Variants in CRACD observed in about 807,000 individuals in gnomAD.
CRACD encodes capping protein-inhibiting regulator of actin dynamics.
Under a neutral mutation model 106.8 loss-of-function variants are expected in CRACD, and 56 were observed. The ratio of observed to expected loss-of-function variants is 0.52; its 90% CI spans 0.42 to 0.66. The LOEUF is 0.66. CRACD is among the 30% of genes least tolerant of loss of function. CRACD has a pLI of 0.00. For missense variants in CRACD, 1,730 were observed against 1,623.2 expected (o/e 1.07, Z -1.13); for synonymous variants, 754 against 670.8 (o/e 1.12, Z -1.92).
intron 3 of CRACD, among the ~76,000 whole-genome samples, chr4:56,284,703 C>T (rs186409958): frequency 6.6e-6 from 1 of 151,724 alleles, no homozygotes; most frequent in Non-Finnish European, 1.5e-5. Flanking sequence ...CCAGCCTGGG[C>T]TACAGAGTGA....
intron 3 of CRACD, among the ~76,000 whole-genome samples, chr4:56,295,955 T>C (rs1743999530): frequency 6.6e-6 from 1 of 152,110 alleles, no homozygotes; most frequent in Admixed American, 6.6e-5. Context: ...GCATGTTTCC[T>C]AAAAGAGTGC....
chr4:56,316,825 G>A, intron 8 of CRACD, 136 bp downstream of exon 8: 3 of 1,099,808 alleles, frequency 2.7e-6, no homozygotes, highest in Non-Finnish European at 3.8e-6. Flanking sequence ...TTATTAGAAC[G>A]CTGCAGAACA....
intron 2 of CRACD, among the ~76,000 whole-genome samples, chr4:56,258,638 T>A (rs1741512187): frequency 6.6e-6 from 1 of 152,156 alleles, no homozygotes; most frequent in Non-Finnish European, 1.5e-5. Context: ...TGTAGCCCCA[T>A]TCTGAGACAG....
chr4:56,093,542 G>A (rs1387625000), intron 1 of CRACD, among the ~76,000 whole-genome samples: 4 of 152,162 alleles, frequency 2.6e-5, no homozygotes, highest in African/African-American at 7.2e-5. Flanking sequence ...TGTGTTTCCT[G>A]CACCCAGCTA....
At chr4:56,295,361 T>C (rs1160477785) in intron 3 of CRACD, among the ~76,000 whole-genome samples, 1 of 152,106 alleles carries the variant, frequency 6.6e-6, no homozygotes, top group Non-Finnish European at 1.5e-5. Flanking sequence ...AGGATAAATG[T>C]TACCACTGTG....
At chr4:56,309,176 C>T in intron 5 of CRACD, 2 of 362,372 alleles carry the variant, frequency 5.5e-6, no homozygotes, top group Non-Finnish European at 1.1e-5. Context: ...CTAGTGGGAG[C>T]AAGGGGAGGG....
intron 1 of CRACD, among the ~76,000 whole-genome samples, chr4:56,165,394 C>T (rs555776156): frequency 6.6e-6 from 1 of 152,180 alleles, no homozygotes; most frequent in Non-Finnish European, 1.5e-5. Flanking sequence ...GCTATGTGTA[C>T]TGACTCATTC....
At chr4:56,191,650 C>A (rs1208789513) in intron 2 of CRACD, among the ~76,000 whole-genome samples, 3 of 152,194 alleles carry the variant, frequency 2.0e-5, no homozygotes, top group Non-Finnish European at 2.9e-5. Context: ...ATTCTACCTG[C>A]CCCAGGACAT....
intron 1 of CRACD, among the ~76,000 whole-genome samples, chr4:56,085,601 G>A (rs2412723): frequency 0.31 from 47,719 of 152,082 alleles, 9,669 homozygotes; most frequent in African/African-American, 0.58. Flanking sequence ...GGTTACATAC[G>A]GTCTCTGTTG....
At chr4:56,204,155 T>G (rs1259351207) in intron 2 of CRACD, among the ~76,000 whole-genome samples, 1 of 152,190 alleles carries the variant, frequency 6.6e-6, no homozygotes, top group African/African-American at 2.4e-5. Context: ...ACAGTCTACA[T>G]GATCCCACAC....
rs771311301 is a variant in CRACD, at chr4:56,314,925, G to A, written c.1423G>A (p.Asp475Asn). ...AAGGAGCGGGGATTTCCAGGGGGCC[G>A]ATCGTCCTGGGCCCGAGGAAAAGAG... Reference protein sequence around the residue: ...QGRSGDFQGADRPGPEEKREE... With the variant: ...QGRSGDFQGANRPGPEEKREE... Residue 475 changes from aspartate to asparagine, a missense_variant, in exon 8 of 11, where the codon GAT (aspartate) becomes AAT (asparagine). By Grantham distance (23) the Asp-to-Asn change is conservative. Transcript: ENST00000682029. This position sits in a 1 kb window ranked among gnomAD's most constrained non-coding sequence, Gnocchi z 4.4. 38 of 1,602,716 alleles carry A rather than the reference G, an allele frequency of 2.4e-5. No homozygotes were observed. In the African/African-American group the frequency reaches 4.7e-4, roughly 20 times the overall value.
chr4:56,136,039 G>A (rs1263515505), intron 1 of CRACD, among the ~76,000 whole-genome samples: 5 of 151,014 alleles, frequency 3.3e-5, no homozygotes, highest in Non-Finnish European at 7.4e-5. Flanking sequence ...TTTTTTGGTG[G>A]AGCTTTTTTT....
chr4:56,062,936 A>G (rs1256860780), intron 1 of CRACD, among the ~76,000 whole-genome samples: 1 of 152,106 alleles, frequency 6.6e-6, no homozygotes, highest in African/African-American at 2.4e-5. Context: ...GCTGTAGATT[A>G]CCTCACTCTG....
At chr4:56,135,634 C>T (rs150725840) in intron 1 of CRACD, among the ~76,000 whole-genome samples, 7 of 152,256 alleles carry the variant, frequency 4.6e-5, no homozygotes, top group South Asian at 2.1e-4. Flanking sequence ...CAAAGACAGA[C>T]GTCTCATCTT....
chr4:56,217,144 G>T (rs939287799), intron 2 of CRACD, among the ~76,000 whole-genome samples: 16 of 152,266 alleles, frequency 1.1e-4, no homozygotes, highest in Non-Finnish European at 1.5e-5. Context: ...TTGCTCATCA[G>T]ATGTCCGAGT....
intron 8 of CRACD, among the ~76,000 whole-genome samples, chr4:56,319,419 C>G (rs911143874): frequency 2.0e-5 from 3 of 151,836 alleles, no homozygotes; most frequent in African/African-American, 7.2e-5. Context: ...ACCAGCCTGG[C>G]AATGTGGCAA....
At chr4:56,126,876 C>A (rs1734676864) in intron 1 of CRACD, among the ~76,000 whole-genome samples, 1 of 152,062 alleles carries the variant, frequency 6.6e-6, no homozygotes, top group Non-Finnish European at 1.5e-5. Context: ...GCATCTAGGG[C>A]TGGTTGGGTT....
intron 2 of CRACD, among the ~76,000 whole-genome samples, chr4:56,214,681 C>CTCTCTATATATATATATATATA: frequency 9.9e-5 from 8 of 80,978 alleles, no homozygotes; most frequent in African/African-American, 3.4e-4. Context: ...CTCTCTCTCT[C>CTCTCTATATATATATATATATA]TATATATATA....
At chr4:56,270,120 CT>C (rs2109641461) in intron 2 of CRACD, among the ~76,000 whole-genome samples, 1 of 152,256 alleles carries the variant, frequency 6.6e-6, no homozygotes, top group African/African-American at 2.4e-5. Flanking sequence ...AGATGATTGT[CT>C]TTTTGTAATT....
Sources: allele counts gnomAD v4.1 joint callset (sites outside exome capture counted in the v4.1 genomes callset), GRCh38; gene constraint gnomAD v4.1.1; non-coding constraint Gnocchi (gnomAD v3.1); transcripts MANE v1.5; gene names NCBI Gene and HGNC (gene_info 2026-07-23, HGNC 2026-07-21).